REV1: variants seen among roughly 807,000 people sequenced by gnomAD.
REV1 encodes the protein translesion synthesis protein REV1.
In REV1, 42 loss-of-function variants were observed where a neutral mutation model predicts 137.4. The observed-to-expected ratio is 0.31, with a 90% CI of 0.24 to 0.40. The LOEUF (loss-of-function observed/expected upper bound fraction) is 0.40, where lower values mean the gene tolerates loss of function less well. Ranked by LOEUF, REV1 falls within the 10% of genes least tolerant of loss-of-function variation. The pLI is 1.00. For missense variants in REV1, 1,282 were observed against 1,490.1 expected (o/e 0.86, Z 2.30); for synonymous variants, 524 against 519.2 (o/e 1.01, Z -0.12).
intron 12 of REV1, among the ~76,000 whole-genome samples, chr2:99,416,912 C>CAAAAAAAAAAA (rs755184253): frequency 1.5e-4 from 12 of 77,826 alleles, no homozygotes; most frequent in Admixed American, 4.0e-4. Context: ...GACTCCATCT[C>CAAAAAAAAAAA]AAAAAAAAAA....
chr2:99,489,425 G>A (rs909154224), intron 1 of REV1, among the ~76,000 whole-genome samples: 6 of 151,860 alleles, frequency 4.0e-5, no homozygotes, highest in African/African-American at 1.4e-4. Context: ...CGAGGCGCCG[G>A]CGCAGGAGGA....
chr2:99,469,399 A>T (rs573406420), intron 1 of REV1, among the ~76,000 whole-genome samples: 2 of 152,314 alleles, frequency 1.3e-5, no homozygotes, highest in South Asian at 4.1e-4. Flanking sequence ...CAACCCTCGA[A>T]AGGTTCACAA....
intron 8 of REV1, among the ~76,000 whole-genome samples, chr2:99,432,664 G>A (rs574509332): frequency 2.2e-4 from 33 of 152,170 alleles, no homozygotes; most frequent in South Asian, 6.2e-4. Context: ...TTCTAGTGAC[G>A]GGACAATCTC....
At chr2:99,437,341 C>T (rs918415328) in intron 6 of REV1, among the ~76,000 whole-genome samples, 1 of 152,098 alleles carries the variant, frequency 6.6e-6, no homozygotes, top group African/African-American at 2.4e-5. Flanking sequence ...CTATCTATCA[C>T]TTCTATTCAC....
At position 99,421,629 on chromosome 2, in the gene REV1, G is replaced by A. The variant is rs753728083; in HGVS notation, c.1701C>T (p.Val567=). The change falls in exon 11 of 23, where the codon GTC becomes GTT. Residue 567 remains valine, a synonymous_variant. Coordinates refer to ENST00000258428, the MANE Select transcript of REV1 (RefSeq NM_016316.4). ...LASYTHNIEA[V]SCDEALVDIT... is the part of the protein sequence containing the mutation. ...TGTCTACCAGCGCTTCATCACAACT[G>A]ACAGCTTCAATGTTATGAGTGTAGC... The A allele has an allele frequency of 6.2e-7, 1 of 1,613,962 alleles. No homozygotes were observed. The highest frequency in any genetic ancestry group is 8.5e-7 in the Non-Finnish European group (1 of 1,179,966).
Position 99,404,305 on chromosome 2 carries a change from TCTCCCCTCCC to T in REV1, c.3045+129_3045+138del, listed in dbSNP as rs373313528. ...ATGCAGGAGATGGAGACAAGCCCAC[TCTCCCCTCCC>T]CTCCCCTCCCCTCCCCAGTGGATGT... On this transcript the variant is annotated intron_variant, in intron 18 of 22. Coordinates refer to ENST00000258428, the MANE Select transcript of REV1 (RefSeq NM_016316.4). 62 of 691,632 alleles carry T rather than the reference TCTCCCCTCCC, an allele frequency of 9.0e-5. 2 individuals are homozygous for T. Among genetic ancestry groups the T allele is most frequent in the Middle Eastern group, 5.7e-4 (2 of 3,502 alleles). 42.8% of individuals were successfully genotyped at this position (691,632 alleles called of 1,614,324 possible). A position where few individuals can be genotyped will look rare whatever the true frequency, so the allele number is the denominator to read the frequency against.
chr2:99,461,367 C>G (rs2105102975), intron 3 of REV1, among the ~76,000 whole-genome samples: 1 of 152,302 alleles, frequency 6.6e-6, no homozygotes, highest in South Asian at 2.1e-4. Flanking sequence ...AGCTCCAGCT[C>G]TTGTCCAGTA....
At position 99,410,903 on chromosome 2, in the gene REV1, A is replaced by G. The variant is rs3087383; in HGVS notation, c.2173-36T>C. The G allele has an allele frequency of 2.0e-3, 3,014 of 1,529,960 alleles. 4 individuals are homozygous for G. Among genetic ancestry groups the G allele is most frequent in the Non-Finnish European group, 2.4e-3 (2,725 of 1,136,328 alleles). 94.8% of individuals were successfully genotyped at this position (1,529,960 alleles called of 1,614,324 possible). On this transcript the variant is annotated intron_variant, in intron 13 of 22. Transcript: ENST00000258428. Reference sequence around the variant, plus strand: ...ACAAACGTGGAGAAACTACCATTCCACTTTCCTATATACCTAATAATTGTT... The same window carrying G: ...ACAAACGTGGAGAAACTACCATTCCGCTTTCCTATATACCTAATAATTGTT...
At chr2:99,426,717 T>C (rs1679423381) in intron 9 of REV1, among the ~76,000 whole-genome samples, 1 of 152,178 alleles carries the variant, frequency 6.6e-6, no homozygotes, top group Admixed American at 6.5e-5. Context: ...TGTCTCTTCA[T>C]TACCGTGACT....
intron 4 of REV1, among the ~76,000 whole-genome samples, chr2:99,448,355 C>A (rs1421729339): frequency 1.3e-5 from 2 of 152,052 alleles, no homozygotes; most frequent in African/African-American, 2.4e-5. Flanking sequence ...GTATTACATA[C>A]CTCATGTCAT....
chr2:99,439,036 C>A lies in REV1; in HGVS notation c.778G>T (p.Glu260Ter). 1.2e-6 allele frequency: 2 copies of A among 1,614,188 alleles called. No homozygotes were observed. The highest frequency in any genetic ancestry group is 1.7e-6 in the Non-Finnish European group (2 of 1,180,030). The change falls in exon 6 of 23, where the codon GAG becomes TAG. Residue 260 changes from glutamate (E) to a stop codon, truncating the protein, a stop_gained. Transcript: ENST00000258428. LOFTEE classifies it high-confidence loss of function. ...CTGCTCTTCTCAGCCTTATCCTCCT[C>A]CTGGGAAAAGGCTGGAGAAAGCCTG... is the stretch of plus-strand genomic sequence containing the variant. ...ASRLSPAFSQ[E>*]EDKAEKSSTD...
At chr2:99,401,656 A>C (rs1321199274) in intron 22 of REV1, among the ~76,000 whole-genome samples, 3 of 152,178 alleles carry the variant, frequency 2.0e-5, no homozygotes, top group African/African-American at 7.2e-5. Context: ...CTGAGGCAGG[A>C]GAGTCACTGG....
At chr2:99,471,844 AACC>A (rs970065586) in intron 1 of REV1, among the ~76,000 whole-genome samples, 4 of 151,764 alleles carry the variant, frequency 2.6e-5, no homozygotes, top group African/African-American at 9.7e-5. Flanking sequence ...TGCAAATAGA[AACC>A]ACAATGAGAT....
At chr2:99,484,155 G>A (rs537994814) in intron 1 of REV1, among the ~76,000 whole-genome samples, 1 of 152,108 alleles carries the variant, frequency 6.6e-6, no homozygotes. Context: ...GTTCTCACTT[G>A]CAAGTGGCAG....
chr2:99,410,701 A>G lies in REV1; in HGVS notation c.2339T>C (p.Ile780Thr). Reference sequence around the variant, plus strand: ...ATTTCTGAGGTGAGCTTACCTGGCAATGTTATCACAAATTCCATGGCCTCC... The same window carrying G: ...ATTTCTGAGGTGAGCTTACCTGGCAGTGTTATCACAAATTCCATGGCCTCC... Reference protein sequence around the residue: ...KFGGHGICDNIARTVTLDQAT... With the variant: ...KFGGHGICDNTARTVTLDQAT... The change falls in exon 14 of 23, where the codon ATT becomes ACT. Residue 780 changes from isoleucine to threonine, a missense_variant. Ile to Thr is a moderately conservative substitution (Grantham distance 89). Coordinates refer to ENST00000258428, the MANE Select transcript of REV1 (RefSeq NM_016316.4). The G allele has an allele frequency of 3.2e-6, 5 of 1,586,828 alleles. No individual in the cohort carries two copies. The highest frequency in any genetic ancestry group is 2.3e-5 in the South Asian group (2 of 85,710).
intron 17 of REV1, 23 bp downstream of exon 17, chr2:99,405,887 T>C (rs751128987): frequency 3.4e-6 from 5 of 1,457,468 alleles, no homozygotes; most frequent in East Asian, 2.4e-5. Flanking sequence ...AATGTACTTA[T>C]ATTTAGGACT....
intron 22 of REV1, 105 bp downstream of exon 22, chr2:99,402,139 A>C: frequency 1.7e-6 from 1 of 599,470 alleles, no homozygotes. Flanking sequence ...TTTCTCATTA[A>C]CCCTAATGAG....
At chr2:99,418,004 G>A (rs899227560) in intron 12 of REV1, among the ~76,000 whole-genome samples, 3 of 152,062 alleles carry the variant, frequency 2.0e-5, no homozygotes, top group African/African-American at 4.8e-5. Flanking sequence ...TATATACTAC[G>A]GGGGTCAGGA....
intron 9 of REV1, among the ~76,000 whole-genome samples, chr2:99,427,759 T>A (rs1444777877): frequency 6.6e-6 from 1 of 152,162 alleles, no homozygotes; most frequent in Non-Finnish European, 1.5e-5. Context: ...GGGACAAAAA[T>A]CTTACGGCTG....
Sources: allele counts gnomAD v4.1 joint callset (sites outside exome capture counted in the v4.1 genomes callset), GRCh38; gene constraint gnomAD v4.1.1; transcripts MANE v1.5; gene names NCBI Gene and HGNC (gene_info 2026-07-23, HGNC 2026-07-21).